SLC6A5: variants seen among roughly 807,000 people sequenced by gnomAD.
SLC6A5 encodes the protein sodium- and chloride-dependent glycine transporter 2.
A neutral mutation model predicts 90.5 loss-of-function variants in SLC6A5; 58 were observed. The ratio of observed to expected loss-of-function variants is 0.64; its 90% CI spans 0.52 to 0.80. The LOEUF is 0.80. Among genes scored for constraint, SLC6A5 ranks in the 30% least tolerant of loss-of-function variants. SLC6A5 has a pLI of 0.00. For missense variants in SLC6A5, 1,015 were observed against 1,017.6 expected, an observed-to-expected ratio of 1.00 and a Z score of 0.03; for synonymous variants, 427 against 401.4, an observed-to-expected ratio of 1.06 and a Z score of -0.76.
chr11:20,652,253 A>C (rs770703808), intron 14 of SLC6A5, 36 bp from the exon 15 acceptor site: 8 of 1,607,586 alleles, frequency 5.0e-6, no homozygotes, highest in Non-Finnish European at 6.8e-6. Flanking sequence ...AATTCACGCC[A>C]CCACCCTAAC....
intron 1 of SLC6A5, 103 bp downstream of exon 1, chr11:20,599,778 G>A: frequency 2.3e-6 from 3 of 1,309,650 alleles, no homozygotes; most frequent in Non-Finnish European, 3.3e-6. Flanking sequence ...TGCATTGGGT[G>A]GGGGGAAAGG....
chr11:20,643,826 C>G (rs1853359118), intron 13 of SLC6A5, among the ~76,000 whole-genome samples: 1 of 152,156 alleles, frequency 6.6e-6, no homozygotes, highest in Non-Finnish European at 1.5e-5. Flanking sequence ...TGGCGGCCCT[C>G]CATGGTGGCT....
At chr11:20,651,821 C>T (rs1184069360) in intron 14 of SLC6A5, among the ~76,000 whole-genome samples, 2 of 151,784 alleles carry the variant, frequency 1.3e-5, no homozygotes, top group Non-Finnish European at 2.9e-5. Flanking sequence ...GCAGGAGAAT[C>T]GCTTGAACCT....
At chr11:20,652,199 C>A in intron 14 of SLC6A5, 90 bp from the exon 15 acceptor site, 1 of 1,177,182 alleles carries the variant, frequency 8.5e-7, no homozygotes, top group Non-Finnish European at 1.3e-6. Flanking sequence ...GAGACGAAAG[C>A]ATCAAACTCA....
intron 7 of SLC6A5, 119 bp from the exon 8 acceptor site, chr11:20,626,589 A>G (rs1852998834): frequency 6.2e-6 from 7 of 1,128,964 alleles, no homozygotes; most frequent in South Asian, 2.6e-5. Flanking sequence ...TTTGGGGACA[A>G]CTACCCTGAT....
chr11:20,654,230 C>T (rs555449398), intron 15 of SLC6A5, among the ~76,000 whole-genome samples: 8 of 152,004 alleles, frequency 5.3e-5, no homozygotes, highest in South Asian at 4.2e-4. Flanking sequence ...TTTTTTCCTC[C>T]GGTCATTTAT....
chr11:20,641,859 A>G (rs1853320536), intron 13 of SLC6A5, among the ~76,000 whole-genome samples: 2 of 152,294 alleles, frequency 1.3e-5, no homozygotes, highest in African/African-American at 4.8e-5. Context: ...GAGGAGAAGG[A>G]CAGTGCTAAC....
At chr11:20,650,134 T>C (rs561570907) in intron 14 of SLC6A5, among the ~76,000 whole-genome samples, 16 of 152,218 alleles carry the variant, frequency 1.1e-4, no homozygotes, top group African/African-American at 3.9e-4. Flanking sequence ...GCAGTTATTT[T>C]GTTGTTTAAG....
chr11:20,618,502 G>A (rs181189431), intron 7 of SLC6A5, among the ~76,000 whole-genome samples: 4 of 152,302 alleles, frequency 2.6e-5, no homozygotes, highest in Admixed American at 2.0e-4. Context: ...TCGCATGGCT[G>A]GGCCCTTTGG....
At position 20,647,368 on chromosome 11, in the gene SLC6A5, C is replaced by CTATATATTCCTATTATATAGTTA. The variant is rs1565289393; in HGVS notation, c.2070+455_2070+477dup. ...TCCTATTATATAGTTATATATATAACTATATATTCCTATTATATAGTTATA... is the reference window on the plus strand; with the variant it reads ...TCCTATTATATAGTTATATATATAACTATATATTCCTATTATATAGTTATATATATTCCTATTATATAGTTATA... On this transcript the variant is annotated intron_variant, in intron 14 of 15. Coordinates refer to ENST00000525748, the MANE Select transcript of SLC6A5 (RefSeq NM_004211.5). 5.6e-4 allele frequency among the ~76,000 whole-genome samples: 72 copies of CTATATATTCCTATTATATAGTTA among 129,086 alleles called. 1 individual carries two copies. Among genetic ancestry groups the CTATATATTCCTATTATATAGTTA allele is most frequent in the African/African-American group, 1.9e-3 (69 of 36,778 alleles). The allele number at this position is 129,086 out of a possible 152,430, so 84.7% of individuals were successfully genotyped here.
At chr11:20,612,348 C>T (rs1047516715) in intron 5 of SLC6A5, among the ~76,000 whole-genome samples, 4 of 152,026 alleles carry the variant, frequency 2.6e-5, no homozygotes, top group African/African-American at 9.7e-5. Context: ...TCATTTAGTC[C>T]TTACTGCAAC....
intron 14 of SLC6A5, among the ~76,000 whole-genome samples, chr11:20,650,857 G>A (rs1234608600): frequency 1.3e-5 from 2 of 151,716 alleles, no homozygotes; most frequent in Admixed American, 6.6e-5. Flanking sequence ...TAGTAGAGAC[G>A]GGGTTTCACC....
intron 13 of SLC6A5, among the ~76,000 whole-genome samples, chr11:20,640,107 C>G (rs1477410624): frequency 6.6e-6 from 1 of 152,174 alleles, no homozygotes; most frequent in African/African-American, 2.4e-5. Flanking sequence ...CAAAAAGAAG[C>G]CTCCAAGGTC....
chr11:20,635,953 G>A (rs750881288), intron 10 of SLC6A5, among the ~76,000 whole-genome samples: 5 of 152,166 alleles, frequency 3.3e-5, no homozygotes, highest in Admixed American at 6.5e-5. Flanking sequence ...CTGCTGTAAA[G>A]GCTAATTAAT....
intron 13 of SLC6A5, among the ~76,000 whole-genome samples, chr11:20,639,659 T>TTAAA (rs1006705244): frequency 6.6e-6 from 1 of 152,140 alleles, no homozygotes; most frequent in African/African-American, 2.4e-5. Context: ...GAAGAGGTGC[T>TTAAA]TAACAGCTTC....
At position 20,654,695 on chromosome 11, in the gene SLC6A5, T is replaced by C. The variant is rs769127435; in HGVS notation, c.2239-18T>C. 1.2e-5 allele frequency: 20 copies of C among 1,613,962 alleles called. No individual in the cohort carries two copies. The East Asian group carries it at 4.0e-4, about 32-fold the overall frequency. On this transcript the variant is annotated intron_variant, in intron 15 of 15. Transcript: ENST00000525748. ...TGCACTACTTCTGTGACCATGTCTG[T>C]CTTTGGCTTCTTTGCAGAGGCTGAA...
At chr11:20,624,759 C>T (rs1032583942) in intron 7 of SLC6A5, among the ~76,000 whole-genome samples, 1 of 152,196 alleles carries the variant, frequency 6.6e-6, no homozygotes, top group African/African-American at 2.4e-5. Flanking sequence ...CTCAGCCTCT[C>T]AAGTGTCTTT....
At chr11:20,617,611 G>A in intron 6 of SLC6A5, 141 bp from the exon 7 acceptor site, 1 of 744,562 alleles carries the variant, frequency 1.3e-6, no homozygotes, top group Non-Finnish European at 2.4e-6. Flanking sequence ...ATGTGATTAG[G>A]TTCCTGATGG....
intron 13 of SLC6A5, among the ~76,000 whole-genome samples, chr11:20,643,162 C>A (rs1853345561): frequency 6.6e-6 from 1 of 152,000 alleles, no homozygotes; most frequent in African/African-American, 2.4e-5. Flanking sequence ...GGGATGGTTT[C>A]ATGAAGGGGA....
Sources: allele counts gnomAD v4.1 joint callset (sites outside exome capture counted in the v4.1 genomes callset), GRCh38; gene constraint gnomAD v4.1.1; transcripts MANE v1.5; gene names NCBI Gene and HGNC (gene_info 2026-07-23, HGNC 2026-07-21).